Variants in PCDHGB6 observed in about 807,000 individuals in gnomAD.
PCDHGB6 encodes the protein protocadherin gamma-B6.
PCDHGB6 carries 51 observed loss-of-function variants against 59.1 expected under a neutral mutation model. The ratio of observed to expected loss-of-function variants is 0.86; its 90% CI spans 0.69 to 1.09. The LOEUF (loss-of-function observed/expected upper bound fraction) is 1.09. Ranked by LOEUF, PCDHGB6 falls within the 50% of genes least tolerant of loss-of-function variation. The pLI is 0.00. For missense variants in PCDHGB6, 1,148 were observed against 1,205.1 expected (o/e 0.95, Z 0.70); for synonymous variants, 466 against 495.1 (o/e 0.94, Z 0.78).
At chr5:141,466,709 T>C (rs2099127779) in intron 1 of PCDHGB6, among the ~76,000 whole-genome samples, 1 of 152,212 alleles carries the variant, frequency 6.6e-6, no homozygotes, top group Non-Finnish European at 1.5e-5. Flanking sequence ...TGATGTCTGT[T>C]CTTGTTTCCA....
intron 1 of PCDHGB6, among the ~76,000 whole-genome samples, chr5:141,425,159 G>C (rs557552439): frequency 6.6e-6 from 1 of 152,126 alleles, no homozygotes; most frequent in South Asian, 2.1e-4. Context: ...AGCATCTAGG[G>C]ATAGGATTTA....
intron 1 of PCDHGB6, among the ~76,000 whole-genome samples, chr5:141,447,023 GT>G (rs5871773): frequency 0.034 from 5,146 of 151,536 alleles, 101 homozygotes; most frequent in Middle Eastern, 0.088. Flanking sequence ...GTTTTGTTTT[GT>G]TTTTTTTCTG....
intron 1 of PCDHGB6, chr5:141,419,596 G>A (rs377287183): frequency 2.6e-5 from 42 of 1,611,564 alleles, no homozygotes; most frequent in Non-Finnish European, 3.3e-5. Flanking sequence ...ACACAGTGCC[G>A]CGGGCCGCGC....
At position 141,511,106 on chromosome 5, in the gene PCDHGB6, G is replaced by T. The variant is rs536900646; in HGVS notation, c.2726G>T (p.Arg909Leu). ...NATLTNAAGK[R>L]DGKAPAGGNG... is the part of the protein sequence containing the mutation. Reference sequence around the variant, plus strand: ...ACACTGACCAACGCAGCTGGCAAGCGGGATGGCAAGGCCCCAGCAGGTGGC... The same window carrying T: ...ACACTGACCAACGCAGCTGGCAAGCTGGATGGCAAGGCCCCAGCAGGTGGC... Residue 909 changes from arginine to leucine, a missense_variant, in exon 4 of 4, where the codon CGG becomes CTG. This residue lies in a region of PCDHGB6 where 283 missense variants were observed against 318.6 expected (regional missense o/e 0.89). Transcript: ENST00000520790. 8.7e-6 allele frequency: 14 copies of T among 1,614,196 alleles called. No individual in the cohort carries two copies. Among genetic ancestry groups the T allele is most frequent in the Non-Finnish European group, 1.2e-5 (14 of 1,180,016 alleles).
rs1225025591 is a variant in PCDHGB6 at position 141,493,316 on chromosome 5, T to G, written c.2419-1491T>G. Among the ~76,000 whole-genome samples, 2 of 152,198 alleles carry G rather than the reference T, an allele frequency of 1.3e-5. No homozygotes were observed. The highest frequency in any genetic ancestry group is 2.1e-4 in the South Asian group (1 of 4,826). Reference sequence around the variant, plus strand: ...AGTTCACAGAGCAAGTAAGAGAGATTCTAACCCCTGTCTAACTCCAGAATG... The same window carrying G: ...AGTTCACAGAGCAAGTAAGAGAGATGCTAACCCCTGTCTAACTCCAGAATG... On this transcript the variant is annotated intron_variant, in intron 1 of 3. Coordinates refer to ENST00000520790, the MANE Select transcript of PCDHGB6 (RefSeq NM_018926.3). This position sits in a 1 kb window ranked among gnomAD's most constrained non-coding sequence, Gnocchi z 4.3.
intron 1 of PCDHGB6, among the ~76,000 whole-genome samples, chr5:141,480,911 G>A (rs2154578422): frequency 6.6e-6 from 1 of 152,218 alleles, no homozygotes; most frequent in East Asian, 1.9e-4. Flanking sequence ...TGGGCATGGT[G>A]GCGCATACCT....
Position 141,505,383 on chromosome 5 carries a change from C to T in PCDHGB6, c.2478-10C>T, listed in dbSNP as rs369765886. On this transcript the variant is annotated splice_polypyrimidine_tract_variant and intron_variant, in intron 2 of 3. Coordinates refer to ENST00000520790, the MANE Select transcript of PCDHGB6 (RefSeq NM_018926.3). Reference sequence around the variant, plus strand: ...GGGAGTCTGTGCTCACCATCCTACTCTCTCCCCAGCTCCCAAAATGGCGAT... The same window carrying T: ...GGGAGTCTGTGCTCACCATCCTACTTTCTCCCCAGCTCCCAAAATGGCGAT... The T allele has an allele frequency of 1.2e-6, 2 of 1,613,944 alleles. No individual in the cohort carries two copies. Among genetic ancestry groups the T allele is most frequent in the African/African-American group, 2.7e-5 (2 of 74,914 alleles).
chr5:141,491,823 C>T lies in PCDHGB6; in HGVS notation c.2419-2984C>T, dbSNP rs1242708273. On this transcript the variant is annotated intron_variant, in intron 1 of 3. Transcript: ENST00000520790. The surrounding 1 kb of genome is among the most constrained non-coding windows in gnomAD (Gnocchi z 6.9). ...GCCGGCTTGGTCGCTGGCTGCGCTC[C>T]ACCCGATTCTCGGGATCATTGGACC... The T allele has an allele frequency of 2.7e-6, 4 of 1,479,038 alleles. No homozygotes were observed. Among genetic ancestry groups the T allele is most frequent in the Non-Finnish European group, 3.6e-6 (4 of 1,115,300 alleles). 91.6% of individuals were successfully genotyped at this position (1,479,038 alleles called of 1,614,324 possible).
At chr5:141,433,646 A>G (rs2097639113) in intron 1 of PCDHGB6, among the ~76,000 whole-genome samples, 1 of 152,012 alleles carries the variant, frequency 6.6e-6, no homozygotes, top group Non-Finnish European at 1.5e-5. Flanking sequence ...GACCAGCCTG[A>G]CCAACATGGA....
At chr5:141,459,149 T>C (rs2098961903) in intron 1 of PCDHGB6, among the ~76,000 whole-genome samples, 1 of 152,234 alleles carries the variant, frequency 6.6e-6, no homozygotes, top group Non-Finnish European at 1.5e-5. Context: ...AATCAAAATA[T>C]AGAACATTTC....
chr5:141,450,817 A>G, intron 1 of PCDHGB6, among the ~76,000 whole-genome samples: 1 of 137,534 alleles, frequency 7.3e-6, no homozygotes, highest in East Asian at 2.1e-4. Context: ...TTTATTTAAT[A>G]TTATTATTAT....
At chr5:141,501,288 TATACAC>T (rs201660636) in intron 2 of PCDHGB6, among the ~76,000 whole-genome samples, 3 of 81,324 alleles carry the variant, frequency 3.7e-5, no homozygotes, top group African/African-American at 1.5e-4. Flanking sequence ...GATATTCCCT[TATACAC>T]ACACACACAC....
chr5:141,422,519 C>G, intron 1 of PCDHGB6: 1 of 1,613,968 alleles, frequency 6.2e-7, no homozygotes, highest in Non-Finnish European at 8.5e-7. Flanking sequence ...CAGGGAAGCC[C>G]GCCTTTGTCT....
chr5:141,420,242 A>T (rs1241562871), intron 1 of PCDHGB6: 1 of 1,586,666 alleles, frequency 6.3e-7, no homozygotes, highest in Non-Finnish European at 8.6e-7. Context: ...TTTAACTCCC[A>T]GCGTTGAAGC....
intron 1 of PCDHGB6, chr5:141,421,442 A>G (rs769354611): frequency 1.7e-5 from 27 of 1,613,990 alleles, no homozygotes; most frequent in Non-Finnish European, 2.2e-5. Context: ...TCCAGAGGGA[A>G]GACACAGCTT....
intron 1 of PCDHGB6, chr5:141,441,823 C>T (rs538052540): frequency 3.9e-5 from 14 of 357,336 alleles, no homozygotes; most frequent in Non-Finnish European, 6.6e-5. Context: ...AGCTCTGGAG[C>T]GCAATGGCTT....
At chr5:141,473,439 A>G (rs2099322281) in intron 1 of PCDHGB6, among the ~76,000 whole-genome samples, 1 of 152,210 alleles carries the variant, frequency 6.6e-6, no homozygotes, top group African/African-American at 2.4e-5. Flanking sequence ...TTGCTTATGC[A>G]AAAATAATTA....
intron 1 of PCDHGB6, 177 bp from the exon 2 acceptor site, chr5:141,494,630 C>T (rs991482599): frequency 5.8e-6 from 5 of 866,562 alleles, no homozygotes; most frequent in Non-Finnish European, 6.9e-6. Flanking sequence ...GTACCTCAGA[C>T]CTCTGAGACC....
rs2099730037 is a variant in PCDHGB6 at position 141,491,783 on chromosome 5, A to G, written c.2419-3024A>G. The G allele has an allele frequency of 1.3e-6, 2 of 1,539,618 alleles. No homozygotes were observed. The highest frequency in any genetic ancestry group is 2.2e-5 in the Admixed American group (1 of 46,412). On this transcript the variant is annotated intron_variant, in intron 1 of 3. Transcript: ENST00000520790. The surrounding 1 kb of genome is among the most constrained non-coding windows in gnomAD (Gnocchi z 6.9). ...CGTCCTCATAAGGGATTGAACTTGC[A>G]TCCACTCCTCTCCGGCCGGCTTGGT...
Sources: allele counts gnomAD v4.1 joint callset (sites outside exome capture counted in the v4.1 genomes callset), GRCh38; gene constraint gnomAD v4.1.1; regional missense constraint gnomAD v4.1.1; non-coding constraint Gnocchi (gnomAD v3.1); transcripts MANE v1.5; gene names NCBI Gene and HGNC (gene_info 2026-07-23, HGNC 2026-07-21).